MYO16: variants seen among roughly 807,000 people sequenced by gnomAD.
MYO16 encodes unconventional myosin-XVI.
A neutral mutation model predicts 205.3 loss-of-function variants in MYO16; 94 were observed. The observed-to-expected ratio is 0.46, with a 90% CI of 0.39 to 0.54. The LOEUF is 0.54. MYO16 is among the 20% of genes least tolerant of loss of function. The probability of loss-of-function intolerance (pLI) is 0.00; values close to 1 mark genes in which losing one functional copy is unlikely to be tolerated. For missense variants in MYO16, 2,315 were observed against 2,387.5 expected, an observed-to-expected ratio of 0.97 and a Z score of 0.63; for synonymous variants, 988 against 954.0, an observed-to-expected ratio of 1.04 and a Z score of -0.66.
chr13:108,923,069 T>A (rs1385544205), intron 16 of MYO16, among the ~76,000 whole-genome samples: 1 of 152,204 alleles, frequency 6.6e-6, no homozygotes, highest in African/African-American at 2.4e-5. Flanking sequence ...ACAATTTGCC[T>A]TTCAAACCCT....
chr13:108,500,215 T>A, the MYO16 span, among the ~76,000 whole-genome samples: 1 of 6,278 alleles, frequency 1.6e-4, no homozygotes. Context: ...TGTTTTTTTT[T>A]TTTTTGTTTT....
At chr13:108,865,761 G>A (rs1878681637) in intron 11 of MYO16, among the ~76,000 whole-genome samples, 1 of 151,736 alleles carries the variant, frequency 6.6e-6, no homozygotes, top group Non-Finnish European at 1.5e-5. Flanking sequence ...TTTGATTATT[G>A]TGCTTTACTA....
chr13:108,710,808 A>G (rs1350995409), intron 2 of MYO16, among the ~76,000 whole-genome samples: 2 of 152,268 alleles, frequency 1.3e-5, no homozygotes, highest in African/African-American at 4.8e-5. Flanking sequence ...ATAACATGAT[A>G]CAATCTACTT....
intron 16 of MYO16, among the ~76,000 whole-genome samples, chr13:108,927,808 G>A (rs537169295): frequency 4.1e-4 from 63 of 152,138 alleles, no homozygotes; most frequent in Non-Finnish European, 7.6e-4. Flanking sequence ...CCCTCTCCAC[G>A]GATAAGGAAA....
chr13:109,167,638 AC>A (rs1878738042), intron 33 of MYO16, among the ~76,000 whole-genome samples: 1 of 152,246 alleles, frequency 6.6e-6, no homozygotes, highest in Admixed American at 6.5e-5. Context: ...TAAAAATGAA[AC>A]AGAAACCTTT....
intron 1 of MYO16, among the ~76,000 whole-genome samples, chr13:108,649,394 G>A (rs140792978): frequency 7.7e-4 from 117 of 152,232 alleles, no homozygotes; most frequent in African/African-American, 2.7e-3. Context: ...CTTGGACAAT[G>A]TTTCTACTAA....
upstream of MYO16, among the ~76,000 whole-genome samples, chr13:108,594,518 C>T (rs183615110): frequency 3.3e-5 from 5 of 152,310 alleles, no homozygotes; most frequent in East Asian, 7.7e-4. Flanking sequence ...CAGCTGCTCT[C>T]CTCCCTAGCC....
intron 2 of MYO16, among the ~76,000 whole-genome samples, chr13:108,699,076 G>GTCTCTC (rs71791844): frequency 1.4e-5 from 2 of 147,812 alleles, no homozygotes; most frequent in African/African-American, 2.5e-5. Context: ...GTCTCTCTCT[G>GTCTCTC]TCTCTCTCTC....
chr13:108,929,600 A>C (rs1882158563), intron 16 of MYO16, among the ~76,000 whole-genome samples: 1 of 152,088 alleles, frequency 6.6e-6, no homozygotes, highest in African/African-American at 2.4e-5. Flanking sequence ...CAATATCTGG[A>C]GATTTTTTTT....
At chr13:109,068,954 T>C (rs1479639200) in intron 27 of MYO16, among the ~76,000 whole-genome samples, 4 of 152,200 alleles carry the variant, frequency 2.6e-5, no homozygotes, top group Admixed American at 2.6e-4. Context: ...TGTGTTACTT[T>C]ATCGATCTCC....
chr13:108,553,914 T>C, the MYO16 span, among the ~76,000 whole-genome samples: 7,402 of 152,072 alleles, frequency 0.049, 541 homozygotes, highest in African/African-American at 0.16. Flanking sequence ...AAGAGAAAAG[T>C]GTGTTGGAAG....
chr13:108,660,477 A>C (rs1881452622), intron 1 of MYO16, among the ~76,000 whole-genome samples: 1 of 152,200 alleles, frequency 6.6e-6, no homozygotes, highest in Non-Finnish European at 1.5e-5. Context: ...ATATATATTT[A>C]GGATTGTGAT....
intron 31 of MYO16, among the ~76,000 whole-genome samples, chr13:109,129,860 G>T (rs1876442991): frequency 6.6e-6 from 1 of 151,890 alleles, no homozygotes; most frequent in Non-Finnish European, 1.5e-5. Context: ...AAAAGCTAAA[G>T]GTTTGTGTGC....
intron 15 of MYO16, among the ~76,000 whole-genome samples, chr13:108,899,487 TA>T (rs562363280): frequency 6.6e-6 from 1 of 152,192 alleles, no homozygotes; most frequent in Non-Finnish European, 1.5e-5. Context: ...GTTAGAAGGT[TA>T]ACTTATACAA....
intron 1 of MYO16, among the ~76,000 whole-genome samples, chr13:108,605,965 A>G (rs1878943237): frequency 6.6e-6 from 1 of 152,188 alleles, no homozygotes; most frequent in Non-Finnish European, 1.5e-5. Flanking sequence ...AATGAAGTCC[A>G]GGCTGAGGTA....
the MYO16 span, among the ~76,000 whole-genome samples, chr13:108,533,322 C>T: frequency 6.6e-6 from 1 of 152,138 alleles, no homozygotes; most frequent in Non-Finnish European, 1.5e-5. Context: ...GGGACCACAC[C>T]TGATAGTTTA....
At chr13:109,100,701 G>C in intron 27 of MYO16, 84 bp from the exon 28 acceptor site, 1 of 1,070,722 alleles carries the variant, frequency 9.3e-7, no homozygotes, top group Non-Finnish European at 1.4e-6. Flanking sequence ...TTTGGGAAAC[G>C]ATGTAACAAA....
At chr13:109,166,274 T>C (rs1439572031) in intron 33 of MYO16, among the ~76,000 whole-genome samples, 1 of 152,088 alleles carries the variant, frequency 6.6e-6, no homozygotes, top group Non-Finnish European at 1.5e-5. Flanking sequence ...AATCGTCAAA[T>C]GGAAATTCTG....
chr13:108,674,005 T>C (rs1481418436), intron 2 of MYO16, among the ~76,000 whole-genome samples: 2 of 152,190 alleles, frequency 1.3e-5, no homozygotes, highest in Non-Finnish European at 2.9e-5. Context: ...ATATCAACTG[T>C]CTGCGTGTCA....
Sources: allele counts gnomAD v4.1 joint callset (sites outside exome capture counted in the v4.1 genomes callset), GRCh38; gene constraint gnomAD v4.1.1; transcripts MANE v1.5; gene names NCBI Gene and HGNC (gene_info 2026-07-23, HGNC 2026-07-21).